Variants in TP53INP1 observed in about 807,000 individuals in gnomAD.
TP53INP1 encodes the protein tumor protein p53 inducible nuclear protein 1, also known as tumor protein p53-inducible nuclear protein 1.
TP53INP1 carries 12 observed loss-of-function variants against 21.0 expected under a neutral mutation model. That is an observed-to-expected ratio of 0.57 (90% CI 0.37 to 0.93). The LOEUF (loss-of-function observed/expected upper bound fraction) is 0.93, where lower values mean the gene tolerates loss of function less well. Among genes scored for constraint, TP53INP1 ranks in the 40% least tolerant of loss-of-function variants. The pLI is 0.01. For synonymous variants in TP53INP1, 91 were observed against 94.8 expected (o/e 0.96, Z 0.23); for missense variants, 274 against 294.7 (o/e 0.93, Z 0.51).
At chr8:94,937,205 G>T (rs116291237) in intron 3 of TP53INP1, among the ~76,000 whole-genome samples, 2,294 of 152,264 alleles carry the variant, frequency 0.015, 19 homozygotes, top group Non-Finnish European at 0.019. Flanking sequence ...ACTTTGGGAG[G>T]CAGAGGCGGT....
Position 94,940,162 on chromosome 8 carries a change from C to A in TP53INP1, c.171G>T (p.Glu57Asp). The change falls in exon 3 of 4, where the codon GAG becomes GAT. Residue 57 changes from glutamate to aspartate, a missense_variant. By Grantham distance (45) the Glu-to-Asp change is conservative (BLOSUM62 2). Transcript: ENST00000342697. ...EEEEEEDISEESPTEHPSVFS... is the reference protein window; with the variant it reads ...EEEEEEDISEDSPTEHPSVFS... ...AGACTGAAGGGTGCTCAGTAGGTGA[C>A]TCTTCACTGATGTCCTCCTCTTCTT... 6.2e-7 allele frequency: 1 copy of A among 1,614,148 alleles called. No homozygotes were observed. Among genetic ancestry groups the A allele is most frequent in the Non-Finnish European group, 8.5e-7 (1 of 1,180,004 alleles).
chr8:94,930,670 C>T lies in TP53INP1; in HGVS notation c.532G>A (p.Ala178Thr), dbSNP rs1820307062. The stretch of plus-strand genomic sequence containing the variant: ...GGTTGTTCCAGAAAAGTTGTATGAG[C>T]AGCAAGAGCTGCAACATAACAATGA... The part of the protein sequence containing the change: ...HIHCYVAALA[A>T]HTTFLEQPKS... The change falls in exon 4 of 4, where the codon GCT (alanine) becomes ACT (threonine). Residue 178 changes from alanine (A) to threonine (T), a missense_variant. Physicochemically the swap from Ala to Thr is moderately conservative, Grantham distance 58. Coordinates refer to ENST00000342697, the MANE Select transcript of TP53INP1 (RefSeq NM_033285.4). 1.9e-6 allele frequency: 3 copies of T among 1,614,232 alleles called. No homozygotes were observed. In the South Asian group the frequency reaches 3.3e-5, roughly 18 times the overall value.
At position 94,930,507 on chromosome 8, in the gene TP53INP1, T is replaced by C; in HGVS notation, c.695A>G (p.Gln232Arg). 2 of 1,614,246 alleles carry C rather than the reference T, an allele frequency of 1.2e-6. No homozygotes were observed. Among genetic ancestry groups the C allele is most frequent in the South Asian group, 1.1e-5 (1 of 91,088 alleles). ...QVKHNGWVVH[Q>R]PCPRQYNY Reference sequence around the variant, plus strand: ...GTAATTGTACTGACGCGGGCAGGGCTGATGAACAACCCAGCCATTGTGCTT... The same window carrying C: ...GTAATTGTACTGACGCGGGCAGGGCCGATGAACAACCCAGCCATTGTGCTT... Residue 232 changes from glutamine (Q) to arginine (R), a missense_variant, in exon 4 of 4, where the codon CAG becomes CGG. Physicochemically the swap from Gln to Arg is conservative, Grantham distance 43 (BLOSUM62 1). Transcript: ENST00000342697.
chr8:94,932,816 AAAG>A (rs1163069423), intron 3 of TP53INP1, among the ~76,000 whole-genome samples: 1 of 152,208 alleles, frequency 6.6e-6, no homozygotes. Flanking sequence ...AATAAAAAAA[AAAG>A]AATTTCAAAT....
Position 94,927,410 on chromosome 8 carries a change from A to C in TP53INP1, c.*3069T>G, listed in dbSNP as rs942199598. 2 of 152,204 alleles carry C rather than the reference A, an allele frequency of 1.3e-5. No homozygotes were observed. Among genetic ancestry groups the C allele is most frequent in the Non-Finnish European group, 2.9e-5 (2 of 68,026 alleles). The allele number at this position is 152,204 out of a possible 1,614,324, so 9.4% of individuals were successfully genotyped here. A position where few individuals can be genotyped will look rare whatever the true frequency, so the allele number is the denominator to read the frequency against. ...CAAGTTTTAAATAAACTGTCTTCTC[A>C]CTCAAAGTACTGATACAACAGAGAA... On this transcript the variant is annotated 3_prime_UTR_variant, in exon 4 of 4. Transcript: ENST00000342697.
At chr8:94,940,279 G>T in intron 2 of TP53INP1, 59 bp from the exon 3 acceptor site, 2 of 1,523,162 alleles carry the variant, frequency 1.3e-6, no homozygotes, top group South Asian at 2.6e-5. Context: ...ACAGGAGGAT[G>T]ATTATCACAT....
At chr8:94,938,606 C>CA (rs1187732655) in intron 3 of TP53INP1, among the ~76,000 whole-genome samples, 1 of 152,130 alleles carries the variant, frequency 6.6e-6, no homozygotes, top group Non-Finnish European at 1.5e-5. Context: ...CACCAATGGC[C>CA]AATGATTTAA....
chr8:94,938,910 A>C (rs1821253685), intron 3 of TP53INP1, among the ~76,000 whole-genome samples: 1 of 152,236 alleles, frequency 6.6e-6, no homozygotes, highest in South Asian at 2.1e-4. Flanking sequence ...TGAGATTGGC[A>C]TCAGAAATGG....
intron 3 of TP53INP1, among the ~76,000 whole-genome samples, chr8:94,932,548 A>T (rs889341748): frequency 4.6e-5 from 7 of 152,264 alleles, no homozygotes; most frequent in Admixed American, 4.6e-4. Flanking sequence ...TCACGCCTGT[A>T]ATCCCAGCAC....
chr8:94,933,287 C>A (rs1488807372), intron 3 of TP53INP1, among the ~76,000 whole-genome samples: 1 of 152,072 alleles, frequency 6.6e-6, no homozygotes, highest in Non-Finnish European at 1.5e-5. Flanking sequence ...GTTTTACTAT[C>A]CCTATATAAC....
intron 1 of TP53INP1, among the ~76,000 whole-genome samples, chr8:94,941,848 C>T (rs1414477237): frequency 6.6e-6 from 1 of 152,210 alleles, no homozygotes; most frequent in African/African-American, 2.4e-5. Context: ...GAACTCCAGG[C>T]TTGCTTGATC....
Position 94,942,038 on chromosome 8 carries a change from CT to C in TP53INP1, c.-150-948del, listed in dbSNP as rs547276041. On this transcript the variant is annotated intron_variant, in intron 1 of 3. Transcript: ENST00000342697. ...AACACCCTAGCAGTCACCCTTCACG[CT>C]TTTTTTTTTTTGAGACGGAGTCTTT... 4.6e-3 allele frequency among the ~76,000 whole-genome samples: 660 copies of C among 143,966 alleles called. 3 individuals carry two copies. Among genetic ancestry groups the C allele is most frequent in the African/African-American group, 9.8e-3 (388 of 39,598 alleles). The allele number at this position is 143,966 out of a possible 152,430, so 94.4% of individuals were successfully genotyped here. A position where few individuals can be genotyped will look rare whatever the true frequency, so the allele number is the denominator to read the frequency against.
intron 3 of TP53INP1, among the ~76,000 whole-genome samples, chr8:94,937,706 A>AG (rs1821128619): frequency 6.6e-6 from 1 of 152,156 alleles, no homozygotes; most frequent in Non-Finnish European, 1.5e-5. Context: ...TACTGGAAGC[A>AG]GGGATGGTTC....
chr8:94,942,461 T>A (rs1041799034), intron 1 of TP53INP1, among the ~76,000 whole-genome samples: 5 of 152,198 alleles, frequency 3.3e-5, no homozygotes, highest in Admixed American at 3.3e-4. Context: ...TAAGCCAAAC[T>A]GTTGTCTCTG....
chr8:94,941,051 G>T lies in TP53INP1; in HGVS notation c.-110C>A. 2.7e-6 allele frequency: 2 copies of T among 732,404 alleles called. No individual in the cohort carries two copies. The highest frequency in any genetic ancestry group is 2.3e-6 in the Non-Finnish European group (1 of 439,338). The allele number at this position is 732,404 out of a possible 1,614,324, so 45.4% of individuals were successfully genotyped here. On this transcript the variant is annotated 5_prime_UTR_variant, in exon 2 of 4. Coordinates refer to ENST00000342697, the MANE Select transcript of TP53INP1 (RefSeq NM_033285.4). ...GACAGGAGATTAAAGTGCACAGGGT[G>T]CTTATTCAACTTAGGTGAAAAGCAA...
chr8:94,931,607 C>T (rs201029092), intron 3 of TP53INP1, among the ~76,000 whole-genome samples: 113,497 of 149,610 alleles, frequency 0.76, 44,857 homozygotes, highest in East Asian at 0.89. Context: ...CACACACACA[C>T]ACATAAAATT....
Position 94,930,606 on chromosome 8 carries a change from C to T in TP53INP1, c.596G>A (p.Ser199Asn). 6.2e-7 allele frequency: 1 copy of T among 1,614,234 alleles called. No individual in the cohort carries two copies. The highest frequency in any genetic ancestry group is 8.5e-7 in the Non-Finnish European group (1 of 1,180,044). The change falls in exon 4 of 4, where the codon AGT (serine) becomes AAT (asparagine). Residue 199 changes from serine (S) to asparagine (N), a missense_variant. Transcript: ENST00000342697. The part of the protein sequence containing the change: ...FRPSQWIKEH[S>N]ERQPLNRNSL... Reference sequence around the variant, plus strand: ...ATTTCTGTTAAGAGGCTGTCTTTCACTGTGTTCTTTTATCCACTGGGAAGG... The same window carrying T: ...ATTTCTGTTAAGAGGCTGTCTTTCATTGTGTTCTTTTATCCACTGGGAAGG...
intron 3 of TP53INP1, chr8:94,932,152 A>G: frequency 6.3e-7 from 1 of 1,581,386 alleles, no homozygotes; most frequent in South Asian, 1.1e-5. Flanking sequence ...AGTAAGATTT[A>G]AAATGCTATT....
In TP53INP1 at chr8:94,929,235, G is replaced by C. The variant is rs1385065198; in HGVS notation, c.*1244C>G. ...GGAATTTCCTACAAGGTTCAGTTCT[G>C]AACAGCTCCACTTCAAATCAGTATA... On this transcript the variant is annotated 3_prime_UTR_variant, in exon 4 of 4. Coordinates refer to ENST00000342697, the MANE Select transcript of TP53INP1 (RefSeq NM_033285.4). The C allele has an allele frequency of 6.6e-6, 1 of 152,180 alleles. No individual in the cohort carries two copies. Among genetic ancestry groups the C allele is most frequent in the African/African-American group, 2.4e-5 (1 of 41,434 alleles). 9.4% of individuals were successfully genotyped at this position (152,180 alleles called of 1,614,324 possible).
Sources: allele counts gnomAD v4.1 joint callset (sites outside exome capture counted in the v4.1 genomes callset), GRCh38; gene constraint gnomAD v4.1.1; transcripts MANE v1.5; gene names NCBI Gene and HGNC (gene_info 2026-07-23, HGNC 2026-07-21).